The following GRM7 variants were observed in gnomAD, a reference collection of about 807,000 sequenced individuals.
GRM7 encodes glutamate metabotropic receptor 7, also known as metabotropic glutamate receptor 7.
In GRM7, 35 loss-of-function variants were observed where a neutral mutation model predicts 84.5. The ratio of observed to expected loss-of-function variants is 0.41; its 90% CI spans 0.32 to 0.55. The LOEUF (loss-of-function observed/expected upper bound fraction) is 0.55. Ranked by LOEUF, GRM7 falls within the 20% of genes least tolerant of loss-of-function variation. The probability of loss-of-function intolerance (pLI) is 0.19; values close to 1 mark genes in which losing one functional copy is unlikely to be tolerated. For missense variants in GRM7, 1,003 were observed against 1,194.6 expected (o/e 0.84, Z 2.36); for synonymous variants, 487 against 455.1 (o/e 1.07, Z -0.89).
chr3:7,285,236 T>C (rs920344768), intron 2 of GRM7, among the ~76,000 whole-genome samples: 3 of 152,168 alleles, frequency 2.0e-5, no homozygotes, highest in Non-Finnish European at 2.9e-5. Context: ...AAAAGATTTT[T>C]AGAAGAATAG....
intron 1 of GRM7, among the ~76,000 whole-genome samples, chr3:6,879,153 C>T (rs1341138125): frequency 6.6e-6 from 1 of 151,466 alleles, no homozygotes; most frequent in Non-Finnish European, 1.5e-5. Context: ...ATACGTAAGT[C>T]CTACTTAATG....
chr3:7,337,010 AC>A (rs1701446563), intron 4 of GRM7, among the ~76,000 whole-genome samples: 1 of 152,044 alleles, frequency 6.6e-6, no homozygotes, highest in Non-Finnish European at 1.5e-5. Context: ...CCATCAAAAT[AC>A]CATCATCATT....
chr3:7,131,843 G>A (rs1289830927), intron 1 of GRM7, among the ~76,000 whole-genome samples: 1 of 152,152 alleles, frequency 6.6e-6, no homozygotes, highest in Non-Finnish European at 1.5e-5. Flanking sequence ...AAGAAACAAA[G>A]TAAATTTAGA....
chr3:7,647,455 G>T (rs1698698138), intron 8 of GRM7, among the ~76,000 whole-genome samples: 1 of 152,194 alleles, frequency 6.6e-6, no homozygotes, highest in Admixed American at 6.5e-5. Context: ...CTAGGACAGA[G>T]CAGGTACAAG....
intron 4 of GRM7, among the ~76,000 whole-genome samples, chr3:7,311,437 T>G (rs1329864338): frequency 1.2e-4 from 19 of 152,078 alleles, no homozygotes; most frequent in Admixed American, 1.2e-3. Context: ...AGCTACATAG[T>G]GGCAACAGAT....
chr3:7,539,169 G>A lies in GRM7; in HGVS notation c.1516-39253G>A, dbSNP rs567383193. Among the ~76,000 whole-genome samples the A allele has an allele frequency of 2.0e-5, 3 of 152,188 alleles. No individual in the cohort carries two copies. In the East Asian group the frequency reaches 5.8e-4, roughly 29 times the overall value. ...GATTTATCGTACCCAGATCAGAAGA[G>A]AACTGTGAGACTACAATAGCTGGGT... On this transcript the variant is annotated intron_variant, in intron 7 of 9. Transcript: ENST00000357716.
rs1267096474 is a variant in GRM7 at position 7,340,438 on chromosome 3, G to T, written c.1033+33786G>T. 5.9e-5 allele frequency among the ~76,000 whole-genome samples: 9 copies of T among 152,012 alleles called. No individual in the cohort carries two copies. The East Asian group carries it at 1.6e-3, about 26-fold the overall frequency. On this transcript the variant is annotated intron_variant, in intron 4 of 9. Transcript: ENST00000357716. ...GTGTATGGGAAGCAAAGAGAGGAGA[G>T]CCCCTTATAAAACCATCAGATCTTG... is the stretch of plus-strand genomic sequence containing the variant.
chr3:7,106,968 A>C (rs1267619118), intron 1 of GRM7, among the ~76,000 whole-genome samples: 1 of 152,038 alleles, frequency 6.6e-6, no homozygotes, highest in African/African-American at 2.4e-5. Flanking sequence ...GTATGCTAGC[A>C]ATATAATGAT....
Position 7,300,853 on chromosome 3 carries a change from G to A in GRM7, c.878+2028G>A, listed in dbSNP as rs563401621. Among the ~76,000 whole-genome samples, 6 of 152,152 alleles carry A rather than the reference G, an allele frequency of 3.9e-5. No individual in the cohort carries two copies. The South Asian group carries it at 6.2e-4, about 16-fold the overall frequency. ...TAATGTCTGTATTCTTCACTAGTTC[G>A]TAAAATTAGGGCAGAAATGATGCTT... On this transcript the variant is annotated intron_variant, in intron 3 of 9. Coordinates refer to ENST00000357716, the MANE Select transcript of GRM7 (RefSeq NM_000844.4).
chr3:7,586,256 G>A (rs1411503294), intron 8 of GRM7, among the ~76,000 whole-genome samples: 1 of 152,110 alleles, frequency 6.6e-6, no homozygotes, highest in South Asian at 2.1e-4. Context: ...CAACTGCTTT[G>A]GAAAACAGCT....
At chr3:6,978,992 T>C (rs908121520) in intron 1 of GRM7, among the ~76,000 whole-genome samples, 1 of 152,162 alleles carries the variant, frequency 6.6e-6, no homozygotes, top group African/African-American at 2.4e-5. Flanking sequence ...AGTGTATACA[T>C]GTTTCAGAGT....
chr3:7,702,362 G>A (rs925801628), intron 9 of GRM7, among the ~76,000 whole-genome samples: 28 of 152,100 alleles, frequency 1.8e-4, no homozygotes, highest in Admixed American at 1.7e-3. Context: ...AGCACAGTCT[G>A]GATAATGTAG....
chr3:7,463,189 T>G (rs1031319547), intron 7 of GRM7, among the ~76,000 whole-genome samples: 1 of 152,174 alleles, frequency 6.6e-6, no homozygotes, highest in Admixed American at 6.5e-5. Flanking sequence ...GTGGATTAAA[T>G]AGGTTCATTA....
chr3:7,168,504 C>T (rs939029968), intron 2 of GRM7, among the ~76,000 whole-genome samples: 1 of 152,104 alleles, frequency 6.6e-6, no homozygotes, highest in African/African-American at 2.4e-5. Flanking sequence ...AAGGTGTGAC[C>T]TGCAAACCGG....
intron 1 of GRM7, among the ~76,000 whole-genome samples, chr3:7,088,242 A>G (rs2125005350): frequency 6.6e-6 from 1 of 152,282 alleles, no homozygotes; most frequent in Non-Finnish European, 1.5e-5. Flanking sequence ...TCCTGCTGGA[A>G]GAGAAAGTCA....
chr3:7,465,922 C>G (rs1698444512), intron 7 of GRM7, among the ~76,000 whole-genome samples: 2 of 151,932 alleles, frequency 1.3e-5, no homozygotes, highest in Non-Finnish European at 2.9e-5. Flanking sequence ...TCTCATGTAC[C>G]CTCACTACAC....
chr3:7,441,792 G>A (rs1048554181), intron 5 of GRM7, among the ~76,000 whole-genome samples: 7 of 152,084 alleles, frequency 4.6e-5, no homozygotes, highest in African/African-American at 1.7e-4. Context: ...GGCTGTAAGT[G>A]TGCAGCTTTA....
chr3:6,986,966 T>C (rs1359361913), intron 1 of GRM7, among the ~76,000 whole-genome samples: 2 of 152,204 alleles, frequency 1.3e-5, no homozygotes, highest in Non-Finnish European at 2.9e-5. Flanking sequence ...GAAGAAATGA[T>C]TCATTTTTTC....
chr3:7,435,674 G>A (rs1166548418), intron 5 of GRM7, among the ~76,000 whole-genome samples: 6 of 123,794 alleles, frequency 4.8e-5, no homozygotes, highest in East Asian at 2.2e-4. Flanking sequence ...CACCACATCC[G>A]GCTAGTTTTT....
Sources: gnomAD v4.1 joint callset for allele counts (sites outside exome capture counted in the v4.1 genomes callset) on GRCh38, gnomAD v4.1.1 for gene constraint, MANE v1.5 for transcripts, NCBI Gene and HGNC (gene_info 2026-07-23, HGNC 2026-07-21) for gene names.